Variants in MACROD2 observed in about 807,000 individuals in gnomAD.
MACROD2 encodes the protein mono-ADP ribosylhydrolase 2, also known as ADP-ribose glycohydrolase MACROD2.
A neutral mutation model predicts 70.4 loss-of-function variants in MACROD2; 36 were observed. The observed-to-expected ratio is 0.51, with a 90% CI of 0.39 to 0.68. The LOEUF (loss-of-function observed/expected upper bound fraction) is 0.68. MACROD2 is among the 30% of genes least tolerant of loss of function. MACROD2 has a pLI of 0.00. For synonymous variants in MACROD2, 172 were observed against 178.8 expected (o/e 0.96, Z 0.30); for missense variants, 496 against 538.4 (o/e 0.92, Z 0.78).
intron 4 of MACROD2, among the ~76,000 whole-genome samples, chr20:14,643,556 A>G (rs1985208864): frequency 6.6e-6 from 1 of 152,244 alleles, no homozygotes; most frequent in Admixed American, 6.5e-5. Flanking sequence ...ACAAATTTAA[A>G]TTTATAAATA....
chr20:14,386,532 C>A lies in MACROD2; in HGVS notation c.272-106947C>A, dbSNP rs148660245. On this transcript the variant is annotated intron_variant, in intron 3 of 17. Transcript: ENST00000684519. ...GGCCATCCCCTTAGTCAAAAGTGAACCCTCGCTGCTCTGAATTCATAGGAC... is the reference window on the plus strand; with the variant it reads ...GGCCATCCCCTTAGTCAAAAGTGAAACCTCGCTGCTCTGAATTCATAGGAC... Among the ~76,000 whole-genome samples the A allele has an allele frequency of 5.1e-4, 78 of 152,260 alleles. 4 individuals carry two copies. The East Asian group carries it at 0.014, about 28-fold the overall frequency.
At chr20:14,232,980 T>A (rs1429867801) in intron 3 of MACROD2, among the ~76,000 whole-genome samples, 1 of 152,200 alleles carries the variant, frequency 6.6e-6, no homozygotes, top group Non-Finnish European at 1.5e-5. Context: ...GGTTTATTAA[T>A]TGGCCTAATT....
chr20:15,163,631 T>A (rs1402661888), intron 5 of MACROD2, among the ~76,000 whole-genome samples: 1 of 152,094 alleles, frequency 6.6e-6, no homozygotes, highest in Non-Finnish European at 1.5e-5. Flanking sequence ...ATCAGCAAAT[T>A]ATGGCTGACA....
At chr20:15,805,841 G>A (rs1409587774) in intron 8 of MACROD2, among the ~76,000 whole-genome samples, 2 of 152,210 alleles carry the variant, frequency 1.3e-5, no homozygotes, top group Non-Finnish European at 2.9e-5. Context: ...GACTGAGTTG[G>A]TAATGGAGGA....
chr20:15,047,588 G>GT (rs2075405043), intron 5 of MACROD2, among the ~76,000 whole-genome samples: 1 of 152,162 alleles, frequency 6.6e-6, no homozygotes, highest in African/African-American at 2.4e-5. Flanking sequence ...GAGAACTTGA[G>GT]TTAGAGGCTT....
At chr20:14,474,430 A>T (rs1352330112) in intron 3 of MACROD2, among the ~76,000 whole-genome samples, 2 of 152,174 alleles carry the variant, frequency 1.3e-5, no homozygotes, top group African/African-American at 4.8e-5. Context: ...TATGCTATTG[A>T]GAAGAATGTA....
intron 3 of MACROD2, among the ~76,000 whole-genome samples, chr20:14,206,416 C>A (rs1395578456): frequency 6.6e-6 from 1 of 152,140 alleles, no homozygotes; most frequent in Admixed American, 6.5e-5. Context: ...GTTGTGGGAC[C>A]ATTTTGGCAT....
intron 6 of MACROD2, among the ~76,000 whole-genome samples, chr20:15,387,781 C>T (rs1165547504): frequency 6.7e-6 from 1 of 149,314 alleles, no homozygotes; most frequent in East Asian, 2.0e-4. Flanking sequence ...CTCTGTCATC[C>T]AAGCTGGAGT....
chr20:15,828,982 TC>T (rs1362389602), intron 8 of MACROD2, among the ~76,000 whole-genome samples: 1 of 152,224 alleles, frequency 6.6e-6, no homozygotes, highest in Non-Finnish European at 1.5e-5. Flanking sequence ...TGTTGGTGTT[TC>T]ACCTGCCTGT....
At chr20:15,077,987 A>G (rs1034088027) in intron 5 of MACROD2, among the ~76,000 whole-genome samples, 20 of 152,218 alleles carry the variant, frequency 1.3e-4, no homozygotes, top group African/African-American at 4.8e-4. Flanking sequence ...GGAAAGGGCC[A>G]CTGGAAAAGG....
intron 2 of MACROD2, among the ~76,000 whole-genome samples, chr20:14,047,669 T>C (rs995728900): frequency 1.3e-5 from 2 of 152,152 alleles, no homozygotes; most frequent in Non-Finnish European, 2.9e-5. Context: ...GGTGGCAGTA[T>C]TGACAAATTG....
intron 8 of MACROD2, among the ~76,000 whole-genome samples, chr20:15,677,056 A>G (rs901108265): frequency 2.6e-5 from 4 of 152,238 alleles, no homozygotes; most frequent in African/African-American, 9.6e-5. Flanking sequence ...TGGTGCCTCA[A>G]GGTTAAAATT....
At chr20:14,909,617 A>G (rs2074001530) in intron 5 of MACROD2, among the ~76,000 whole-genome samples, 1 of 151,966 alleles carries the variant, frequency 6.6e-6, no homozygotes, top group African/African-American at 2.4e-5. Flanking sequence ...AAGCTGTTGA[A>G]TAAGGAGTTG....
intron 15 of MACROD2, among the ~76,000 whole-genome samples, chr20:16,027,907 A>G (rs1171114352): frequency 2.0e-5 from 3 of 152,202 alleles, no homozygotes; most frequent in Non-Finnish European, 4.4e-5. Flanking sequence ...GCCTCCTTAT[A>G]GTCTTCATTT....
intron 8 of MACROD2, chr20:15,552,385 C>G (rs1313468413): frequency 1.3e-5 from 2 of 152,164 alleles, no homozygotes; most frequent in African/African-American, 4.8e-5. Context: ...TTGAAAATCT[C>G]TCATTATTCC....
chr20:14,281,445 G>A (rs1307737837), intron 3 of MACROD2, among the ~76,000 whole-genome samples: 1 of 152,106 alleles, frequency 6.6e-6, no homozygotes, highest in East Asian at 1.9e-4. Flanking sequence ...ACTGTGTATG[G>A]GTATAGCGTT....
At chr20:14,321,201 C>T (rs1330254127) in intron 3 of MACROD2, among the ~76,000 whole-genome samples, 1 of 152,058 alleles carries the variant, frequency 6.6e-6, no homozygotes, top group African/African-American at 2.4e-5. Context: ...CCCGTCTCTA[C>T]TAAAAATACA....
At position 15,270,434 on chromosome 20, in the gene MACROD2, T is replaced by A. The variant is rs1600175925; in HGVS notation, c.540+40373T>A. Among the ~76,000 whole-genome samples the A allele has an allele frequency of 3.3e-5, 5 of 152,214 alleles. No individual in the cohort carries two copies. The South Asian group carries it at 8.3e-4, about 25-fold the overall frequency. ...CAGAAATATAATAATGGAGAACAGA[T>A]GAGTGACTGCCAGGGGTTAGGTGTT... On this transcript the variant is annotated intron_variant, in intron 6 of 17. Coordinates refer to ENST00000684519, the MANE Select transcript of MACROD2 (RefSeq NM_001351661.2).
chr20:15,626,645 A>G (rs1185262501), intron 8 of MACROD2, among the ~76,000 whole-genome samples: 1 of 152,222 alleles, frequency 6.6e-6, no homozygotes, highest in Non-Finnish European at 1.5e-5. Context: ...ACTTGAGGTC[A>G]GGAGTTTGAG....
Sources: gnomAD v4.1 joint callset for allele counts (sites outside exome capture counted in the v4.1 genomes callset) on GRCh38, gnomAD v4.1.1 for gene constraint, MANE v1.5 for transcripts, NCBI Gene and HGNC (gene_info 2026-07-23, HGNC 2026-07-21) for gene names.